Variants in CAMTA1 observed in about 807,000 individuals in gnomAD.
CAMTA1 encodes the protein calmodulin-binding transcription activator 1.
Under a neutral mutation model 170.9 loss-of-function variants are expected in CAMTA1, and 27 were observed. That is an observed-to-expected ratio of 0.16 (90% confidence interval 0.12 to 0.22). The LOEUF (loss-of-function observed/expected upper bound fraction) is 0.22, where lower values mean the gene tolerates loss of function less well. Among genes scored for constraint, CAMTA1 ranks in the 10% least tolerant of loss-of-function variants. CAMTA1 has a pLI of 1.00. For missense variants in CAMTA1, 1,619 were observed against 2,217.2 expected (o/e 0.73, Z 5.42); for synonymous variants, 833 against 891.5 (o/e 0.93, Z 1.17).
At chr1:7,127,776 G>A (rs1393706029) in intron 4 of CAMTA1, among the ~76,000 whole-genome samples, 5 of 152,180 alleles carry the variant, frequency 3.3e-5, no homozygotes, top group Non-Finnish European at 7.4e-5. Flanking sequence ...CCTCATCAAG[G>A]GTGACATGCA....
intron 4 of CAMTA1, among the ~76,000 whole-genome samples, chr1:7,149,618 G>A (rs1363459227): frequency 5.9e-5 from 9 of 152,164 alleles, no homozygotes; most frequent in Admixed American, 5.2e-4. Context: ...GAATGTTGGC[G>A]ATGCGAGTTT....
At chr1:7,602,757 A>G (rs557057982) in intron 6 of CAMTA1, among the ~76,000 whole-genome samples, 3 of 152,250 alleles carry the variant, frequency 2.0e-5, no homozygotes, top group Non-Finnish European at 2.9e-5. Flanking sequence ...TAGGGTGTCA[A>G]TTTTAGATCT....
At chr1:7,470,584 G>A (rs1339482305) in intron 6 of CAMTA1, among the ~76,000 whole-genome samples, 1 of 152,170 alleles carries the variant, frequency 6.6e-6, no homozygotes, top group Non-Finnish European at 1.5e-5. Context: ...GAATGCAGGA[G>A]GCACTAGGAA....
At chr1:7,698,741 A>G (rs1279978893) in intron 11 of CAMTA1, 2 of 152,256 alleles carry the variant, frequency 1.3e-5, no homozygotes, top group African/African-American at 4.8e-5. Flanking sequence ...GGACATCATC[A>G]TGGCCAGCAG....
rs186635109 is a variant in CAMTA1, at chr1:7,366,832, T to C, written c.439-100998T>C. 7.2e-5 allele frequency among the ~76,000 whole-genome samples: 11 copies of C among 152,292 alleles called. No individual in the cohort carries two copies. In the East Asian group the frequency reaches 2.1e-3, roughly 29 times the overall value. Reference sequence around the variant, plus strand: ...CTGTCTGTGGGTTCCCTCCCTGGAATGGACAAGGGGGAGCAGCCGATTTCT... The same window carrying C: ...CTGTCTGTGGGTTCCCTCCCTGGAACGGACAAGGGGGAGCAGCCGATTTCT... On this transcript the variant is annotated intron_variant, in intron 5 of 22. Coordinates refer to ENST00000303635, the MANE Select transcript of CAMTA1 (RefSeq NM_015215.4).
intron 6 of CAMTA1, among the ~76,000 whole-genome samples, chr1:7,554,692 C>T (rs929096483): frequency 1.1e-4 from 17 of 152,310 alleles, no homozygotes; most frequent in African/African-American, 4.1e-4. Context: ...CCCACCCTCT[C>T]CTTAGCGTCT....
chr1:6,846,554 A>G (rs927232664), intron 3 of CAMTA1, among the ~76,000 whole-genome samples: 4 of 152,258 alleles, frequency 2.6e-5, no homozygotes, highest in African/African-American at 4.8e-5. Flanking sequence ...TGCAAAAACT[A>G]GAAACATTTT....
chr1:7,042,648 G>T (rs1260155985), intron 3 of CAMTA1, among the ~76,000 whole-genome samples: 1 of 152,210 alleles, frequency 6.6e-6, no homozygotes, highest in Non-Finnish European at 1.5e-5. Flanking sequence ...GCCGCCCCAG[G>T]TTGGAGCGCG....
At position 7,562,269 on chromosome 1, in the gene CAMTA1, A is replaced by AT. The variant is rs1279870415; in HGVS notation, c.511-78130dup. Among the ~76,000 whole-genome samples, 1 of 152,214 alleles carries AT rather than the reference A, an allele frequency of 6.6e-6. No homozygotes were observed. The highest frequency in any genetic ancestry group is 1.5e-5 in the Non-Finnish European group (1 of 68,038). On this transcript the variant is annotated intron_variant, in intron 6 of 22. Coordinates refer to ENST00000303635, the MANE Select transcript of CAMTA1 (RefSeq NM_015215.4). This position sits in a 1 kb window ranked among gnomAD's most constrained non-coding sequence, Gnocchi z 4.8. ...GTGTGTTAGACAACTGTCACTCAGC[A>AT]TATTTGATGGTGTTTTGCCTTGGTT...
chr1:7,492,902 C>CA (rs1202435527), intron 6 of CAMTA1, among the ~76,000 whole-genome samples: 1 of 151,380 alleles, frequency 6.6e-6, no homozygotes, highest in African/African-American at 2.4e-5. Flanking sequence ...CCTACATACA[C>CA]ACGTGCACAC....
Position 7,732,437 on chromosome 1 carries a change from C to A in CAMTA1, c.2915-11C>A. On this transcript the variant is annotated splice_polypyrimidine_tract_variant and intron_variant, in intron 11 of 22. Coordinates refer to ENST00000303635, the MANE Select transcript of CAMTA1 (RefSeq NM_015215.4). This position sits in a 1 kb window ranked among gnomAD's most constrained non-coding sequence, Gnocchi z 4.1. The stretch of plus-strand genomic sequence containing the variant: ...GAACACAACCTCACTCTTCCTCCTG[C>A]TCTGCCCTAGATAACCAGTTCAGGA... The A allele has an allele frequency of 6.2e-7, 1 of 1,611,328 alleles. No individual in the cohort carries two copies. The highest frequency in any genetic ancestry group is 1.7e-4 in the Middle Eastern group (1 of 5,898).
intron 6 of CAMTA1, among the ~76,000 whole-genome samples, chr1:7,594,013 G>A (rs1030764376): frequency 3.3e-5 from 5 of 149,928 alleles, no homozygotes; most frequent in African/African-American, 1.2e-4. Flanking sequence ...CTACACTCCA[G>A]CCTGGGCAAC....
intron 5 of CAMTA1, among the ~76,000 whole-genome samples, chr1:7,305,590 T>C (rs1675460738): frequency 6.6e-6 from 1 of 152,112 alleles, no homozygotes; most frequent in Non-Finnish European, 1.5e-5. Flanking sequence ...CATTACTTTT[T>C]CATTGCCGAG....
At chr1:7,476,151 C>A (rs962005513) in intron 6 of CAMTA1, among the ~76,000 whole-genome samples, 1 of 152,228 alleles carries the variant, frequency 6.6e-6, no homozygotes, top group Non-Finnish European at 1.5e-5. Flanking sequence ...CATGGGCACA[C>A]TCCAGAGCAC....
In CAMTA1 at chr1:7,674,577, G is replaced by C. The variant is rs528772042; in HGVS notation, c.2780-3022G>C. Among the ~76,000 whole-genome samples the C allele has an allele frequency of 5.1e-4, 77 of 152,090 alleles. No homozygotes were observed. The highest frequency in any genetic ancestry group is 8.8e-4 in the Non-Finnish European group (60 of 68,008). ...GCGGATCACTTGAAGTCAGGAGTTCGAGACCAGCCTGACCGACATGGTGAA... is the reference window on the plus strand; with the variant it reads ...GCGGATCACTTGAAGTCAGGAGTTCCAGACCAGCCTGACCGACATGGTGAA... On this transcript the variant is annotated intron_variant, in intron 10 of 22. Transcript: ENST00000303635. The surrounding 1 kb of genome is among the most constrained non-coding windows in gnomAD (Gnocchi z 4.1).
intron 5 of CAMTA1, among the ~76,000 whole-genome samples, chr1:7,327,097 A>T (rs997932264): frequency 6.6e-6 from 1 of 151,832 alleles, no homozygotes; most frequent in East Asian, 1.9e-4. Flanking sequence ...GGCGGGGGGG[A>T]AAGTCTGTTG....
intron 4 of CAMTA1, among the ~76,000 whole-genome samples, chr1:7,239,733 G>A (rs1664530095): frequency 6.7e-6 from 1 of 149,222 alleles, no homozygotes; most frequent in Non-Finnish European, 1.5e-5. Context: ...TACAGACTGG[G>A]TAATTTATAA....
At chr1:7,477,063 C>T (rs1210502907) in intron 6 of CAMTA1, among the ~76,000 whole-genome samples, 2 of 152,136 alleles carry the variant, frequency 1.3e-5, no homozygotes, top group African/African-American at 4.8e-5. Flanking sequence ...AGGAGAAGGG[C>T]AAGGGGGTGT....
At chr1:7,018,869 C>T (rs770140709) in intron 3 of CAMTA1, among the ~76,000 whole-genome samples, 69 of 152,298 alleles carry the variant, frequency 4.5e-4, no homozygotes, top group Admixed American at 9.2e-4. Context: ...CCTGGTGCTC[C>T]GTTTCTGTTA....
Sources: allele counts gnomAD v4.1 joint callset (sites outside exome capture counted in the v4.1 genomes callset), GRCh38; gene constraint gnomAD v4.1.1; non-coding constraint Gnocchi (gnomAD v3.1); transcripts MANE v1.5; gene names NCBI Gene and HGNC (gene_info 2026-07-23, HGNC 2026-07-21).